Variants in CUBN observed in about 807,000 individuals in gnomAD.
CUBN encodes 460 kDa receptor.
A neutral mutation model predicts 405.3 loss-of-function variants in CUBN; 282 were observed. The ratio of observed to expected loss-of-function variants is 0.70; its 90% CI spans 0.63 to 0.77. The LOEUF is 0.77. Among genes scored for constraint, CUBN ranks in the 30% least tolerant of loss-of-function variants. The probability of loss-of-function intolerance (pLI) is 0.00; values close to 1 mark genes in which losing one functional copy is unlikely to be tolerated. For synonymous variants in CUBN, 1,684 were observed against 1,617.0 expected (o/e 1.04, Z -0.99); for missense variants, 4,514 against 4,475.2 (o/e 1.01, Z -0.25).
Position 16,840,425 on chromosome 10 carries a change from G to C in CUBN, c.9937C>G (p.Pro3313Ala), listed in dbSNP as rs1195030556. Reference protein sequence around the residue: ...FSICTWVIDSPPHQQVKITVW... With the variant: ...FSICTWVIDSAPHQQVKITVW... ...GTTATCTTGACCTGCTGATGCGGAG[G>C]GGAATCAATGACCCAAGTACAGATG... Residue 3313 changes from proline (P) to alanine (A), a missense_variant, in exon 62 of 67, where the codon CCT (proline) becomes GCT (alanine). By Grantham distance (27) the Pro-to-Ala change is conservative. This residue lies in a region of CUBN where 1,186 missense variants were observed against 1,186.9 expected (regional missense o/e 1.00). Transcript: ENST00000377833. 1 of 1,613,990 alleles carries C rather than the reference G, an allele frequency of 6.2e-7. No homozygotes were observed. Among genetic ancestry groups the C allele is most frequent in the African/African-American group, 1.3e-5 (1 of 74,898 alleles).
chr10:16,969,683 T>G (rs999905600), intron 31 of CUBN, among the ~76,000 whole-genome samples: 3 of 152,172 alleles, frequency 2.0e-5, no homozygotes, highest in Non-Finnish European at 4.4e-5. Flanking sequence ...TTCATTTGTT[T>G]CTTCTACTTG....
rs576517650 is a variant in CUBN at position 16,961,760 on chromosome 10, G to A, written c.4696-7212C>T. ...GGAGTCTCGCTCTGTGGCCCAGGCT[G>A]GAGTGCAGTGGCGGGATCTCGACTC... On this transcript the variant is annotated intron_variant, in intron 31 of 66. Transcript: ENST00000377833. Among the ~76,000 whole-genome samples the A allele has an allele frequency of 3.9e-3, 528 of 136,368 alleles. 4 individuals carry two copies. Among genetic ancestry groups the A allele is most frequent in the African/African-American group, 0.014 (504 of 36,874 alleles). The allele number at this position is 136,368 out of a possible 152,430, so 89.5% of individuals were successfully genotyped here.
chr10:17,054,657 C>T (rs960967383), intron 22 of CUBN, among the ~76,000 whole-genome samples: 2 of 151,910 alleles, frequency 1.3e-5, no homozygotes, highest in Non-Finnish European at 2.9e-5. Context: ...AATCTTCAGA[C>T]ATTAAAATAA....
At position 16,925,408 on chromosome 10, in the gene CUBN, T is replaced by C. The variant is rs144704318; in HGVS notation, c.6479A>G (p.Asp2160Gly). ...GGGTCCCAAGGGTGGAGAACAGATA[T>C]CAGGACCATTTCTTAGCTGGAAAGA... ...GDYLVLRNGP[D>G]ICSPPLGPPG... The change falls in exon 43 of 67, where the codon GAT becomes GGT. Residue 2160 changes from aspartate to glycine, a missense_variant. By Grantham distance (94) the Asp-to-Gly change is moderately conservative (BLOSUM62 -1). Around this residue, in one of 5 missense-constraint regions of CUBN, gnomAD observed 1,613 missense variants for 1,542.8 expected, o/e 1.05. Transcript: ENST00000377833. 3.2e-4 allele frequency: 509 copies of C among 1,613,754 alleles called. No homozygotes were observed. Among genetic ancestry groups the C allele is most frequent in the Non-Finnish European group, 4.0e-4 (472 of 1,179,842 alleles).
chr10:17,115,907 T>G (rs752588729), intron 6 of CUBN, among the ~76,000 whole-genome samples: 1 of 152,138 alleles, frequency 6.6e-6, no homozygotes, highest in Non-Finnish European at 1.5e-5. Flanking sequence ...AAGCCAAAGG[T>G]AATGGAGTTA....
chr10:17,021,118 AT>A (rs151045351), intron 27 of CUBN, among the ~76,000 whole-genome samples: 8,698 of 149,602 alleles, frequency 0.058, 304 homozygotes, highest in East Asian at 0.18. Context: ...ACATTGAAGG[AT>A]TTTTTTTTTC....
At chr10:16,850,678 G>A (rs1366347628) in intron 60 of CUBN, among the ~76,000 whole-genome samples, 6 of 152,094 alleles carry the variant, frequency 3.9e-5, no homozygotes, top group African/African-American at 1.4e-4. Flanking sequence ...TCACCATGTT[G>A]GCCAGGCTGG....
chr10:16,968,619 C>A (rs1253175586), intron 31 of CUBN, among the ~76,000 whole-genome samples: 1 of 152,228 alleles, frequency 6.6e-6, no homozygotes, highest in Non-Finnish European at 1.5e-5. Context: ...GCTGAACGGA[C>A]TTTCCTCTTC....
Position 16,899,146 on chromosome 10 carries a change from G to A in CUBN, c.8448C>T (p.Ile2816=). The part of the protein sequence containing the change: ...GGIFHSDNGT[I]RSPHWPQNFP... ...AATTCTGAGGCCAGTGAGGGGATCT[G>A]ATTGTACCATTATCAGAATGAAATA... Residue 2816 remains isoleucine, a synonymous_variant, in exon 54 of 67, where the codon ATC becomes ATT. Coordinates refer to ENST00000377833, the MANE Select transcript of CUBN (RefSeq NM_001081.4). The A allele has an allele frequency of 6.2e-7, 1 of 1,614,008 alleles. No homozygotes were observed. Among genetic ancestry groups the A allele is most frequent in the South Asian group, 1.1e-5 (1 of 91,080 alleles).
intron 31 of CUBN, among the ~76,000 whole-genome samples, chr10:16,976,190 T>C (rs1379792530): frequency 6.6e-6 from 1 of 152,030 alleles, no homozygotes; most frequent in Non-Finnish European, 1.5e-5. Context: ...CAGGCTGGTC[T>C]CAAACTCCTG....
At chr10:16,868,550 C>T (rs964063451) in intron 59 of CUBN, among the ~76,000 whole-genome samples, 11 of 152,080 alleles carry the variant, frequency 7.2e-5, no homozygotes, top group African/African-American at 2.4e-4. Context: ...TTTCCAGAGT[C>T]GAATATTAAT....
intron 15 of CUBN, among the ~76,000 whole-genome samples, chr10:17,087,472 CTTTTTTTTTTTTTT>C: frequency 1.4e-5 from 1 of 71,732 alleles, no homozygotes; most frequent in African/African-American, 4.7e-5. Context: ...TTTTCTTTTT[CTTTTTTTTTTTTTT>C]TTTTTTTTAG....
At chr10:17,045,799 A>G in intron 24 of CUBN, 135 bp downstream of exon 24, 1 of 861,042 alleles carries the variant, frequency 1.2e-6, no homozygotes, top group Non-Finnish European at 1.9e-6. Flanking sequence ...CTGTTAATTT[A>G]AAATTATTTG....
chr10:16,950,711 T>A (rs187412788), intron 33 of CUBN, among the ~76,000 whole-genome samples: 2 of 152,226 alleles, frequency 1.3e-5, no homozygotes, highest in Non-Finnish European at 2.9e-5. Flanking sequence ...CTGTGGCATC[T>A]GAAACACTGG....
intron 54 of CUBN, among the ~76,000 whole-genome samples, chr10:16,892,043 T>C (rs947729510): frequency 1.1e-4 from 16 of 152,200 alleles, no homozygotes; most frequent in Non-Finnish European, 1.9e-4. Context: ...CTCAAGGATA[T>C]TCCTCACCCA....
intron 65 of CUBN, among the ~76,000 whole-genome samples, chr10:16,829,355 AAAAC>A (rs1838902720): frequency 3.3e-5 from 5 of 151,470 alleles, no homozygotes; most frequent in Admixed American, 2.6e-4. Context: ...AAAAAAAAAA[AAAAC>A]AAACTTGATA....
At chr10:16,826,271 T>C (rs1216902972) in intron 66 of CUBN, among the ~76,000 whole-genome samples, 1 of 149,874 alleles carries the variant, frequency 6.7e-6, no homozygotes, top group Non-Finnish European at 1.5e-5. Flanking sequence ...ACTGTATGTA[T>C]ATAAATATTA....
intron 60 of CUBN, among the ~76,000 whole-genome samples, chr10:16,845,725 C>T (rs1419317195): frequency 6.6e-6 from 1 of 152,164 alleles, no homozygotes; most frequent in African/African-American, 2.4e-5. Context: ...TAGGTACGAC[C>T]TCATGTGGAT....
intron 59 of CUBN, among the ~76,000 whole-genome samples, chr10:16,867,104 C>T (rs923439170): frequency 6.6e-6 from 1 of 152,120 alleles, no homozygotes; most frequent in Non-Finnish European, 1.5e-5. Flanking sequence ...AAGATCGAAA[C>T]GGAAATGTCA....
Sources: allele counts gnomAD v4.1 joint callset (sites outside exome capture counted in the v4.1 genomes callset), GRCh38; gene constraint gnomAD v4.1.1; regional missense constraint gnomAD v4.1.1; transcripts MANE v1.5; gene names NCBI Gene and HGNC (gene_info 2026-07-23, HGNC 2026-07-21).